The following VEPH1 variants were observed in gnomAD, a reference collection of about 807,000 sequenced individuals.
VEPH1 encodes ventricular zone expressed PH domain containing 1, also known as ventricular zone-expressed PH domain-containing protein homolog 1.
VEPH1 carries 80 observed loss-of-function variants against 85.2 expected under a neutral mutation model. The ratio of observed to expected loss-of-function variants is 0.94; its 90% CI spans 0.78 to 1.13. The LOEUF (loss-of-function observed/expected upper bound fraction) is 1.13, where lower values mean the gene tolerates loss of function less well. Among genes scored for constraint, VEPH1 ranks in the 50% most tolerant of loss-of-function variants. VEPH1 has a pLI of 0.00. For synonymous variants in VEPH1, 297 were observed against 348.0 expected (o/e 0.85, Z 1.63); for missense variants, 955 against 980.5 (o/e 0.97, Z 0.35).
At chr3:157,448,676 T>A (rs74921161) in intron 4 of VEPH1, among the ~76,000 whole-genome samples, 1,998 of 152,314 alleles carry the variant, frequency 0.013, 61 homozygotes, top group African/African-American at 0.046. Flanking sequence ...AAGAACAAGT[T>A]TGGAGACTTA....
At chr3:157,313,588 G>T in intron 11 of VEPH1, 33 bp downstream of exon 11, 3 of 1,608,178 alleles carry the variant, frequency 1.9e-6, no homozygotes, top group Non-Finnish European at 2.6e-6. Context: ...TTAAATCTTG[G>T]CCTGTAACAT....
Position 157,363,756 on chromosome 3 carries a change from T to C in VEPH1, c.1343A>G (p.Lys448Arg), listed in dbSNP as rs1189578969. The C allele has an allele frequency of 1.2e-6, 2 of 1,610,814 alleles. No individual in the cohort carries two copies. The highest frequency in any genetic ancestry group is 2.7e-5 in the African/African-American group (2 of 74,820). ...GAGCATAGTGTGGAAAGCCAAACTT[T>C]TTGACCTAGAGTTCAAACAAAGGGA... ...ERKNIRFNRS[K>R]SLAFHTMLTK... Residue 448 changes from lysine (K) to arginine (R), a missense_variant, in exon 9 of 14, where the codon AAA (lysine) becomes AGA (arginine). Transcript: ENST00000362010.
chr3:157,402,645 G>T (rs574266520), intron 6 of VEPH1, among the ~76,000 whole-genome samples: 3 of 152,120 alleles, frequency 2.0e-5, no homozygotes, highest in South Asian at 2.1e-4. Flanking sequence ...TGCACTGAAG[G>T]TTGGGAAACA....
chr3:157,331,902 C>G (rs1722543680), intron 9 of VEPH1, among the ~76,000 whole-genome samples: 2 of 152,170 alleles, frequency 1.3e-5, no homozygotes. Flanking sequence ...TAGGAAACAC[C>G]ATGCTGCTAC....
intron 11 of VEPH1, among the ~76,000 whole-genome samples, chr3:157,300,669 AC>A (rs1359428039): frequency 1.3e-5 from 2 of 152,248 alleles, no homozygotes; most frequent in African/African-American, 2.4e-5. Context: ...AGAGTAAAAA[AC>A]AACAGACAAG....
chr3:157,362,889 A>G (rs1726207171), intron 9 of VEPH1, among the ~76,000 whole-genome samples: 1 of 152,144 alleles, frequency 6.6e-6, no homozygotes, highest in Non-Finnish European at 1.5e-5. Flanking sequence ...CAGGAATTGT[A>G]TCTGTTTGGT....
chr3:157,419,794 C>G (rs1348740598), intron 5 of VEPH1, among the ~76,000 whole-genome samples: 2 of 152,148 alleles, frequency 1.3e-5, no homozygotes, highest in African/African-American at 4.8e-5. Context: ...ACCAGAAATA[C>G]CATTTGACCC....
At chr3:157,476,574 G>T (rs1040831940) in intron 2 of VEPH1, among the ~76,000 whole-genome samples, 1 of 152,156 alleles carries the variant, frequency 6.6e-6, no homozygotes, top group East Asian at 1.9e-4. Context: ...GAGCAGGCTT[G>T]CAAAGAAGCC....
At chr3:157,354,717 G>A (rs1253813271) in intron 9 of VEPH1, among the ~76,000 whole-genome samples, 1 of 152,058 alleles carries the variant, frequency 6.6e-6, no homozygotes, top group Non-Finnish European at 1.5e-5. Context: ...TCATCCCACA[G>A]AATAAGTTCC....
intron 12 of VEPH1, among the ~76,000 whole-genome samples, chr3:157,272,235 TTTC>T (rs1352884094): frequency 2.4e-5 from 3 of 126,428 alleles, no homozygotes; most frequent in Non-Finnish European, 5.3e-5. Context: ...GTTTGTCTCT[TTTC>T]TTCTTCCTTC....
chr3:157,420,138 C>T (rs1732216889), intron 5 of VEPH1, among the ~76,000 whole-genome samples: 1 of 147,228 alleles, frequency 6.8e-6, no homozygotes, highest in Admixed American at 6.9e-5. Context: ...TACAAGCATA[C>T]GATATGGGAG....
intron 11 of VEPH1, among the ~76,000 whole-genome samples, chr3:157,289,445 A>G (rs1295148376): frequency 6.6e-6 from 1 of 152,246 alleles, no homozygotes; most frequent in Non-Finnish European, 1.5e-5. Flanking sequence ...GTGCTAAAGG[A>G]TATCCACGGT....
intron 6 of VEPH1, among the ~76,000 whole-genome samples, chr3:157,392,702 C>T (rs1212334281): frequency 1.3e-5 from 2 of 152,092 alleles, no homozygotes; most frequent in Non-Finnish European, 2.9e-5. Flanking sequence ...CTGTCCTGGG[C>T]CTCATGTGGC....
intron 6 of VEPH1, among the ~76,000 whole-genome samples, chr3:157,396,747 G>A (rs1307587750): frequency 6.6e-6 from 1 of 152,122 alleles, no homozygotes; most frequent in Non-Finnish European, 1.5e-5. Flanking sequence ...CTTCTTTTGA[G>A]AAGTGGCTAT....
intron 9 of VEPH1, among the ~76,000 whole-genome samples, chr3:157,358,198 T>C (rs1273556306): frequency 6.6e-6 from 1 of 152,210 alleles, no homozygotes. Context: ...CCAGTCGCTG[T>C]TATGTCTGCC....
chr3:157,438,059 A>C (rs1261159722), intron 4 of VEPH1: 1 of 748,640 alleles, frequency 1.3e-6, no homozygotes, highest in Non-Finnish European at 2.1e-6. Flanking sequence ...ACACACACAC[A>C]CACACACACA....
At chr3:157,323,581 C>G (rs545137577) in intron 9 of VEPH1, among the ~76,000 whole-genome samples, 1 of 152,280 alleles carries the variant, frequency 6.6e-6, no homozygotes, top group South Asian at 2.1e-4. Context: ...TGGGACGTCC[C>G]TACCCAGAGC....
intron 12 of VEPH1, among the ~76,000 whole-genome samples, chr3:157,272,383 C>A (rs1370764811): frequency 1.0e-5 from 1 of 98,178 alleles, no homozygotes; most frequent in East Asian, 2.6e-4. Flanking sequence ...TCTTTTCTTT[C>A]TTTCTTTCTT....
intron 6 of VEPH1, among the ~76,000 whole-genome samples, chr3:157,407,918 A>T (rs1577584168): frequency 1.3e-5 from 2 of 152,184 alleles, no homozygotes; most frequent in East Asian, 3.9e-4. Flanking sequence ...CTGAGTCAAG[A>T]GAGGTGATGT....
Sources: allele counts gnomAD v4.1 joint callset (sites outside exome capture counted in the v4.1 genomes callset), GRCh38; gene constraint gnomAD v4.1.1; transcripts MANE v1.5; gene names NCBI Gene and HGNC (gene_info 2026-07-23, HGNC 2026-07-21).